The following DNAH14 variants were observed in gnomAD, a reference collection of about 807,000 sequenced individuals.
DNAH14 encodes the protein dynein axonemal heavy chain 14, also known as axonemal beta dynein heavy chain 14.
Under a neutral mutation model 520.9 loss-of-function variants are expected in DNAH14, and 478 were observed. The ratio of observed to expected loss-of-function variants is 0.92; its 90% confidence interval spans 0.85 to 0.99. The LOEUF (loss-of-function observed/expected upper bound fraction) is 0.99, where lower values mean the gene tolerates loss of function less well. Among genes scored for constraint, DNAH14 ranks in the 50% least tolerant of loss-of-function variants. The pLI, the probability that DNAH14 is intolerant of heterozygous loss-of-function variation, is 0.00. For synonymous variants in DNAH14, 1,581 were observed against 1,757.2 expected, an observed-to-expected ratio of 0.90 and a Z score of 2.51; for missense variants, 4,831 against 5,234.5, an observed-to-expected ratio of 0.92 and a Z score of 2.38.
Position 225,080,553 on chromosome 1 carries a change from A to C in DNAH14, c.2941A>C (p.Ile981Leu). 6.4e-7 allele frequency: 1 copy of C among 1,551,940 alleles called. No homozygotes were observed. The highest frequency in any genetic ancestry group is 2.4e-5 in the East Asian group (1 of 40,902). The change falls in exon 19 of 86, where the codon ATT becomes CTT. Residue 981 changes from isoleucine (I) to leucine (L), a missense_variant. Transcript: ENST00000682510. ...SHMHSVNVEEITQIVLSEISD... is the reference protein window; with the variant it reads ...SHMHSVNVEELTQIVLSEISD... Reference sequence around the variant, plus strand: ...TATGCATTCTGTTAATGTGGAAGAAATTACACAGATTGTGCTTTCAGAGAT... The same window carrying C: ...TATGCATTCTGTTAATGTGGAAGAACTTACACAGATTGTGCTTTCAGAGAT...
chr1:225,266,624 C>T lies in DNAH14; in HGVS notation c.7411-17C>T. 3 of 1,442,478 alleles carry T rather than the reference C, an allele frequency of 2.1e-6. No individual in the cohort carries two copies. The highest frequency in any genetic ancestry group is 1.5e-5 in the South Asian group (1 of 65,920). The allele number at this position is 1,442,478 out of a possible 1,614,324, so 89.4% of individuals were successfully genotyped here. A position where few individuals can be genotyped will look rare whatever the true frequency, so the allele number is the denominator to read the frequency against. ...GTGTACTAATATATATGTTTAAAAC[C>T]TTTTGTCTTTCTTAAGATTCTAATA... On this transcript the variant is annotated splice_polypyrimidine_tract_variant and intron_variant, in intron 48 of 85. Transcript: ENST00000682510.
At chr1:224,978,995 G>A (rs1055875175) in intron 8 of DNAH14, among the ~76,000 whole-genome samples, 7 of 152,096 alleles carry the variant, frequency 4.6e-5, no homozygotes, top group Non-Finnish European at 7.4e-5. Context: ...AAAGGTTTGA[G>A]GTGATGAATA....
intron 73 of DNAH14, among the ~76,000 whole-genome samples, chr1:225,356,252 A>G (rs1029625224): frequency 2.0e-5 from 3 of 152,208 alleles, no homozygotes; most frequent in Non-Finnish European, 4.4e-5. Flanking sequence ...ATAAAAATCC[A>G]GATTTCTGGC....
At chr1:225,164,153 CTA>C (rs1220755362) in intron 35 of DNAH14, among the ~76,000 whole-genome samples, 1 of 152,056 alleles carries the variant, frequency 6.6e-6, no homozygotes, top group East Asian at 1.9e-4. Context: ...ACTGAGATAG[CTA>C]TTTCTTCTGC....
rs745754412 is a variant in DNAH14 at position 225,354,166 on chromosome 1, C to T, written c.11619+278C>T. ...CCTGTCCCTTTTGGGATTTGTCTGC[C>T]TATAAAGAACATACTTTCTGCCTGC... On this transcript the variant is annotated intron_variant, in intron 73 of 85. Coordinates refer to ENST00000682510, the MANE Select transcript of DNAH14 (RefSeq NM_001367479.1). 4 of 702,088 alleles carry T rather than the reference C, an allele frequency of 5.7e-6. No individual in the cohort carries two copies. The South Asian group carries it at 5.9e-5, about 10-fold the overall frequency. 43.5% of individuals were successfully genotyped at this position (702,088 alleles called of 1,614,324 possible).
At chr1:225,281,707 T>C (rs113939936) in intron 54 of DNAH14, among the ~76,000 whole-genome samples, 1,759 of 152,196 alleles carry the variant, frequency 0.012, 30 homozygotes, top group African/African-American at 0.04. Flanking sequence ...TAACAATGAA[T>C]AGCACAAAAG....
At chr1:225,204,412 A>G (rs1175968400) in intron 39 of DNAH14, 139 bp downstream of exon 39, 12 of 505,940 alleles carry the variant, frequency 2.4e-5, no homozygotes, top group Middle Eastern at 4.9e-4. Flanking sequence ...TCGTATGTTT[A>G]TTTAAAATTT....
chr1:225,011,260 A>G (rs190750175), intron 10 of DNAH14, among the ~76,000 whole-genome samples: 147 of 152,304 alleles, frequency 9.7e-4, no homozygotes, highest in East Asian at 4.2e-3. Flanking sequence ...CCCTCTAAAC[A>G]CTGCTTTAGC....
rs1360003549 is a variant in DNAH14, at chr1:224,949,031, T to A, written c.-33-3639T>A. Among the ~76,000 whole-genome samples, 3 of 152,234 alleles carry A rather than the reference T, an allele frequency of 2.0e-5. No homozygotes were observed. The East Asian group carries it at 5.8e-4, about 29-fold the overall frequency. ...ACTTGGGATCATAGTACTTCTTTTT[T>A]GAAGTCCTTTAGGATAATTTTTACT... On this transcript the variant is annotated intron_variant, in intron 1 of 85. Transcript: ENST00000682510.
chr1:224,984,710 A>G (rs1301680668), intron 8 of DNAH14, among the ~76,000 whole-genome samples: 1 of 151,960 alleles, frequency 6.6e-6, no homozygotes, highest in East Asian at 1.9e-4. Flanking sequence ...AAACAATCCC[A>G]TCAAAAGTGG....
intron 37 of DNAH14, among the ~76,000 whole-genome samples, chr1:225,192,299 C>T (rs943577750): frequency 6.6e-6 from 1 of 152,074 alleles, no homozygotes; most frequent in African/African-American, 2.4e-5. Flanking sequence ...TCTGGCAAGA[C>T]AGGTTAAAAT....
At chr1:225,354,177 A>G (rs2095404743) in intron 73 of DNAH14, 1 of 701,928 alleles carries the variant, frequency 1.4e-6, no homozygotes, top group Non-Finnish European at 2.6e-6. Flanking sequence ...TATAAAGAAC[A>G]TACTTTCTGC....
intron 34 of DNAH14, among the ~76,000 whole-genome samples, chr1:225,157,324 T>A (rs1221014505): frequency 1.3e-5 from 2 of 152,076 alleles, no homozygotes; most frequent in African/African-American, 4.8e-5. Flanking sequence ...ACAAAGTGGG[T>A]CTCAACTAAT....
At chr1:225,270,635 T>C (rs376531756) in intron 49 of DNAH14, 100 bp from the exon 50 acceptor site, 1 of 1,008,350 alleles carries the variant, frequency 9.9e-7, no homozygotes, top group South Asian at 3.0e-5. Context: ...TTTGTCTAAA[T>C]GTTTTTAAAT....
At chr1:225,347,603 T>C (rs1341442910) in intron 71 of DNAH14, among the ~76,000 whole-genome samples, 1 of 152,100 alleles carries the variant, frequency 6.6e-6, no homozygotes, top group Non-Finnish European at 1.5e-5. Context: ...GCCACTAAAA[T>C]CCAGATGCAA....
intron 9 of DNAH14, 130 bp downstream of exon 9, chr1:225,003,057 T>A: frequency 2.4e-6 from 2 of 823,616 alleles, no homozygotes; most frequent in Non-Finnish European, 3.5e-6. Context: ...ACTACCGTTC[T>A]AAAATATCTG....
At chr1:225,177,984 T>G (rs9887766) in intron 36 of DNAH14, among the ~76,000 whole-genome samples, 1 of 151,990 alleles carries the variant, frequency 6.6e-6, no homozygotes, top group Non-Finnish European at 1.5e-5. Context: ...ATGCCAGCCC[T>G]TGAAAACAGC....
intron 10 of DNAH14, among the ~76,000 whole-genome samples, chr1:225,016,791 G>T (rs76393468): frequency 6.6e-6 from 1 of 150,782 alleles, no homozygotes; most frequent in Non-Finnish European, 1.5e-5. Flanking sequence ...CGGTCTTCAG[G>T]TTCAGAAATT....
chr1:225,157,283 A>C (rs1362796558), intron 34 of DNAH14, among the ~76,000 whole-genome samples: 1 of 152,188 alleles, frequency 6.6e-6, no homozygotes, highest in Non-Finnish European at 1.5e-5. Context: ...TACACTTAAA[A>C]GATTTATAGT....
Sources: gnomAD v4.1 joint callset for allele counts (sites outside exome capture counted in the v4.1 genomes callset) on GRCh38, gnomAD v4.1.1 for gene constraint, MANE v1.5 for transcripts, NCBI Gene and HGNC (gene_info 2026-07-23, HGNC 2026-07-21) for gene names.